Variants in PMS1 observed in about 807,000 individuals in gnomAD.
PMS1 encodes the protein PMS1 protein homolog 1.
In PMS1, 79 loss-of-function variants were observed where a neutral mutation model predicts 93.1. That is an observed-to-expected ratio of 0.85 (90% CI 0.71 to 1.02). The LOEUF is 1.02. Ranked by LOEUF, PMS1 falls within the 50% of genes least tolerant of loss-of-function variation. PMS1 has a pLI of 0.00. For missense variants in PMS1, 1,064 were observed against 1,085.3 expected (o/e 0.98, Z 0.28); for synonymous variants, 335 against 363.4 (o/e 0.92, Z 0.89).
intron 9 of PMS1, among the ~76,000 whole-genome samples, chr2:189,862,809 C>T (rs1008889954): frequency 9.2e-5 from 14 of 152,158 alleles, no homozygotes; most frequent in African/African-American, 1.7e-4. Flanking sequence ...AGTGTTCACC[C>T]GGCCATGAAA....
chr2:189,848,725 G>A (rs1210755068), intron 6 of PMS1, among the ~76,000 whole-genome samples: 1 of 152,088 alleles, frequency 6.6e-6, no homozygotes, highest in African/African-American at 2.4e-5. Context: ...TGTCTCTCTG[G>A]TGAGAGTGAT....
In PMS1 at chr2:189,877,411, T is replaced by A; in HGVS notation, c.2774T>A (p.Leu925Ter). The A allele has an allele frequency of 1.2e-6, 2 of 1,612,196 alleles. No homozygotes were observed. The highest frequency in any genetic ancestry group is 1.7e-6 in the Non-Finnish European group (2 of 1,178,288). The part of the protein sequence containing the change: ...CVHGRPFFHH[L>*]TYLPETT ...CATGGTCGCCCATTTTTTCATCATT[T>A]AACCTATCTTCCAGAAACTACATGA... The change falls in exon 13 of 13, where the codon TTA (leucine) becomes TAA (stop). Residue 925 changes from leucine to a stop codon, truncating the protein, a stop_gained. Coordinates refer to ENST00000441310, the MANE Select transcript of PMS1 (RefSeq NM_000534.5). LOFTEE classifies it high-confidence loss of function.
chr2:189,820,327 G>A (rs975905184), intron 5 of PMS1, among the ~76,000 whole-genome samples: 10 of 151,362 alleles, frequency 6.6e-5, no homozygotes, highest in African/African-American at 2.2e-4. Context: ...CCTTTTTTGA[G>A]AGGGTCTCGT....
At chr2:189,798,021 T>C (rs1300408192) in intron 3 of PMS1, among the ~76,000 whole-genome samples, 1 of 152,230 alleles carries the variant, frequency 6.6e-6, no homozygotes, top group Non-Finnish European at 1.5e-5. Flanking sequence ...CCTAACCTAC[T>C]TTAAACATGC....
At chr2:189,833,802 A>T (rs914541367) in intron 5 of PMS1, among the ~76,000 whole-genome samples, 59 of 152,228 alleles carry the variant, frequency 3.9e-4, no homozygotes, top group Non-Finnish European at 2.9e-5. Flanking sequence ...ATTCTTAATT[A>T]ATCTTTTTTC....
chr2:189,821,502 C>T (rs994557180), intron 5 of PMS1, among the ~76,000 whole-genome samples: 2 of 144,482 alleles, frequency 1.4e-5, no homozygotes, highest in African/African-American at 5.1e-5. Flanking sequence ...AGAAATCTTT[C>T]GAGTTAGAAA....
intron 5 of PMS1, among the ~76,000 whole-genome samples, chr2:189,820,056 A>G (rs1233276): frequency 0.23 from 35,533 of 152,160 alleles, 4,353 homozygotes; most frequent in African/African-American, 0.3. Context: ...ACCTGATGGG[A>G]AATAGGGAAT....
chr2:189,821,824 T>C (rs1007181757), intron 5 of PMS1, among the ~76,000 whole-genome samples: 4 of 152,008 alleles, frequency 2.6e-5, no homozygotes, highest in Non-Finnish European at 5.9e-5. Context: ...CATAAATAAA[T>C]AAATAATAGG....
rs1278661441 is a variant in PMS1, at chr2:189,877,318, A to G, written c.2681A>G (p.Lys894Arg). The G allele has an allele frequency of 5.0e-6, 8 of 1,613,636 alleles. No homozygotes were observed. Among genetic ancestry groups the G allele is most frequent in the Non-Finnish European group, 6.8e-6 (8 of 1,179,514 alleles). ...AGACAATTACCCATGTACTTATCAAAAGAGGACATCCAAGACATTATCTAC... is the reference window on the plus strand; with the variant it reads ...AGACAATTACCCATGTACTTATCAAGAGAGGACATCCAAGACATTATCTAC... ...LSRQLPMYLSKEDIQDIIYRM... is the reference protein window; with the variant it reads ...LSRQLPMYLSREDIQDIIYRM... Residue 894 changes from lysine to arginine, a missense_variant, in exon 13 of 13, where the codon AAA (lysine) becomes AGA (arginine). Lys to Arg is a conservative substitution (Grantham distance 26, BLOSUM62 2). Transcript: ENST00000441310.
At chr2:189,864,396 G>T (rs1360133755) in intron 10 of PMS1, 168 bp downstream of exon 10, 2 of 596,122 alleles carry the variant, frequency 3.4e-6, no homozygotes, top group African/African-American at 3.7e-5. Flanking sequence ...AGTGGCTCAT[G>T]CCTGTAATCC....
At chr2:189,786,498 A>G (rs373762737) in intron 1 of PMS1, among the ~76,000 whole-genome samples, 14 of 152,088 alleles carry the variant, frequency 9.2e-5, no homozygotes, top group African/African-American at 2.9e-4. Context: ...TTCTAGGATG[A>G]CTTCAAGGTT....
chr2:189,875,955 C>CA (rs561168809), intron 12 of PMS1, among the ~76,000 whole-genome samples: 6,365 of 43,454 alleles, frequency 0.15, 650 homozygotes, highest in East Asian at 0.32. Context: ...GACTCTGTCT[C>CA]AAAAAAAAAA....
At chr2:189,807,324 T>C (rs981302303) in intron 4 of PMS1, among the ~76,000 whole-genome samples, 1 of 152,134 alleles carries the variant, frequency 6.6e-6, no homozygotes, top group Admixed American at 6.5e-5. Context: ...GATACAAATA[T>C]TATATATGTT....
intron 6 of PMS1, among the ~76,000 whole-genome samples, chr2:189,851,519 A>G (rs940400953): frequency 6.6e-6 from 1 of 152,192 alleles, no homozygotes; most frequent in Non-Finnish European, 1.5e-5. Context: ...AATTGGCACA[A>G]TTTGGCATTG....
chr2:189,828,215 C>T (rs1186940761), intron 5 of PMS1, among the ~76,000 whole-genome samples: 2 of 152,128 alleles, frequency 1.3e-5, no homozygotes, highest in Non-Finnish European at 2.9e-5. Flanking sequence ...TGAGCCACTG[C>T]GCCCGGCCCA....
At chr2:189,826,080 G>A (rs1462803040) in intron 5 of PMS1, among the ~76,000 whole-genome samples, 1 of 152,178 alleles carries the variant, frequency 6.6e-6, no homozygotes, top group African/African-American at 2.4e-5. Flanking sequence ...CTGCACTCAT[G>A]ATATTCTCCA....
intron 2 of PMS1, 25 bp downstream of exon 2, chr2:189,791,966 A>T (rs749427942): frequency 1.6e-5 from 25 of 1,608,688 alleles, no homozygotes. Flanking sequence ...GAACCCAAAT[A>T]CCTTTAAGAC....
chr2:189,834,729 C>T (rs529621295), intron 5 of PMS1, among the ~76,000 whole-genome samples: 15 of 152,190 alleles, frequency 9.9e-5, no homozygotes, highest in African/African-American at 3.1e-4. Flanking sequence ...ATGTTTTATT[C>T]TATTTCATTT....
Position 189,867,654 on chromosome 2 carries a change from A to T in PMS1, c.2343-145A>T, listed in dbSNP as rs2056778567. The T allele has an allele frequency of 8.0e-6, 5 of 628,536 alleles. No homozygotes were observed. The South Asian group carries it at 9.3e-5, about 12-fold the overall frequency. 38.9% of individuals were successfully genotyped at this position (628,536 alleles called of 1,614,324 possible). Reference sequence around the variant, plus strand: ...TAAAATATTAACAGAAATGTAAAACAGTGATTTCTCATAGGGCTACTTATA... The same window carrying T: ...TAAAATATTAACAGAAATGTAAAACTGTGATTTCTCATAGGGCTACTTATA... On this transcript the variant is annotated intron_variant, in intron 10 of 12. Coordinates refer to ENST00000441310, the MANE Select transcript of PMS1 (RefSeq NM_000534.5).
Sources: gnomAD v4.1 joint callset for allele counts (sites outside exome capture counted in the v4.1 genomes callset) on GRCh38, gnomAD v4.1.1 for gene constraint, MANE v1.5 for transcripts, NCBI Gene and HGNC (gene_info 2026-07-23, HGNC 2026-07-21) for gene names.